The following SIAH1 variants were observed in gnomAD, a reference collection of about 807,000 sequenced individuals.
SIAH1 encodes siah E3 ubiquitin protein ligase 1.
In SIAH1, 2 loss-of-function variants were observed where a neutral mutation model predicts 20.0. The observed-to-expected ratio is 0.10, with a 90% CI of 0.04 to 0.31. The LOEUF (loss-of-function observed/expected upper bound fraction) is 0.31. Ranked by LOEUF, SIAH1 falls within the 10% of genes least tolerant of loss-of-function variation. The pLI is 1.00. For missense variants in SIAH1, 119 were observed against 355.3 expected (o/e 0.33, Z 5.35); for synonymous variants, 118 against 125.3 (o/e 0.94, Z 0.39).
intron 1 of SIAH1, among the ~76,000 whole-genome samples, chr16:48,379,449 G>A (rs1297176788): frequency 6.6e-6 from 1 of 152,144 alleles, no homozygotes; most frequent in African/African-American, 2.4e-5. Flanking sequence ...AGGGCAAAGG[G>A]GAAACACAGG....
intron 1 of SIAH1, among the ~76,000 whole-genome samples, chr16:48,368,162 T>C (rs1038307403): frequency 2.0e-5 from 3 of 152,170 alleles, no homozygotes; most frequent in Non-Finnish European, 4.4e-5. Context: ...TCATAATATA[T>C]TGTAAATGAA....
intron 1 of SIAH1, among the ~76,000 whole-genome samples, chr16:48,367,820 T>TAC (rs1372289516): frequency 6.6e-6 from 1 of 152,186 alleles, no homozygotes; most frequent in African/African-American, 2.4e-5. Context: ...TTCACAGAAG[T>TAC]ACCTTAAGAC....
rs753263197 is a variant in SIAH1 at position 48,362,440 on chromosome 16, A to G, written c.-2-10T>C. The G allele has an allele frequency of 1.2e-6, 2 of 1,613,522 alleles. No individual in the cohort carries two copies. Among genetic ancestry groups the G allele is most frequent in the Admixed American group, 3.3e-5 (2 of 59,998 alleles). On this transcript the variant is annotated splice_polypyrimidine_tract_variant and intron_variant, in intron 1 of 1. Transcript: ENST00000394725. This position sits in a 1 kb window ranked among gnomAD's most constrained non-coding sequence, Gnocchi z 4.2. The stretch of plus-strand genomic sequence containing the variant: ...GTCTGACGGCTCATTTCTGAAATAA[A>G]TACATAAGGAGGCAGGAGAAAAATA...
At chr16:48,365,624 C>G in intron 1 of SIAH1, 1 of 1,440,724 alleles carries the variant, frequency 6.9e-7, no homozygotes, top group Admixed American at 2.7e-5. Flanking sequence ...GCACCAGTTA[C>G]AGAGGTGGAG....
chr16:48,366,772 A>C (rs996866689), intron 1 of SIAH1, among the ~76,000 whole-genome samples: 8 of 152,254 alleles, frequency 5.3e-5, no homozygotes, highest in African/African-American at 1.9e-4. Flanking sequence ...TCAGCAGGAA[A>C]TTTTAACTCT....
At chr16:48,371,385 T>C (rs1960983431) in intron 1 of SIAH1, among the ~76,000 whole-genome samples, 1 of 152,244 alleles carries the variant, frequency 6.6e-6, no homozygotes, top group African/African-American at 2.4e-5. Flanking sequence ...TGGTATGGAA[T>C]ATTTAATTTG....
At chr16:48,385,510 T>TCGCGGGCG (rs1448651828), upstream of SIAH1, 3 of 151,318 alleles carry the variant, frequency 2.0e-5, no homozygotes, top group African/African-American at 4.8e-5. Flanking sequence ...GGCGGGGCTT[T>TCGCGGGCG]CGCGGGCGCG....
At chr16:48,369,636 G>A (rs542264155) in intron 1 of SIAH1, among the ~76,000 whole-genome samples, 2 of 152,198 alleles carry the variant, frequency 1.3e-5, no homozygotes, top group Non-Finnish European at 2.9e-5. Context: ...CAGCTATTTG[G>A]GAGGCTGAGG....
At chr16:48,364,602 T>A (rs2151046452) in intron 1 of SIAH1, among the ~76,000 whole-genome samples, 1 of 152,298 alleles carries the variant, frequency 6.6e-6, no homozygotes, top group East Asian at 1.9e-4. Context: ...ATAAGGGAGC[T>A]CTCCTGTAAT....
At chr16:48,367,608 C>T (rs2151048361) in intron 1 of SIAH1, among the ~76,000 whole-genome samples, 1 of 152,288 alleles carries the variant, frequency 6.6e-6, no homozygotes, top group Non-Finnish European at 1.5e-5. Flanking sequence ...CAGCTGAGAC[C>T]TGATTTAATT....
intron 1 of SIAH1, among the ~76,000 whole-genome samples, chr16:48,383,726 G>T (rs571736722): frequency 6.6e-6 from 1 of 152,218 alleles, no homozygotes; most frequent in African/African-American, 2.4e-5. Context: ...ATCTCAGAAA[G>T]TCTGTTAATT....
intron 1 of SIAH1, among the ~76,000 whole-genome samples, chr16:48,366,564 C>T (rs556347145): frequency 3.3e-5 from 5 of 152,204 alleles, no homozygotes; most frequent in Non-Finnish European, 7.3e-5. Context: ...CCTCATTAAA[C>T]GCAGAGTAGC....
chr16:48,366,442 G>GA (rs544428026), intron 1 of SIAH1, among the ~76,000 whole-genome samples: 32 of 152,246 alleles, frequency 2.1e-4, no homozygotes, highest in South Asian at 4.2e-4. Context: ...TACCCACTGT[G>GA]AAAAGACTTT....
At position 48,380,928 on chromosome 16, in the gene SIAH1, C is replaced by CAAAAAA. The variant is rs59376248; in HGVS notation, c.-3+4270_-3+4275dup. ...TGGGCGACAGAGTGAGACTCCGTCT[C>CAAAAAA]AAAAAAAAAAAAAAAAAGAACGGCT... On this transcript the variant is annotated intron_variant, in intron 1 of 1. Coordinates refer to ENST00000394725, the MANE Select transcript of SIAH1 (RefSeq NM_003031.4). Among the ~76,000 whole-genome samples the CAAAAAA allele has an allele frequency of 3.8e-4, 17 of 44,950 alleles. 5 individuals carry two copies. The highest frequency in any genetic ancestry group is 5.5e-4 in the Non-Finnish European group (15 of 27,052). The allele number at this position is 44,950 out of a possible 152,430, so 29.5% of individuals were successfully genotyped here. A position where few individuals can be genotyped will look rare whatever the true frequency, so the allele number is the denominator to read the frequency against.
Position 48,362,042 on chromosome 16 carries a change from C to T in SIAH1, c.387G>A (p.Pro129=), listed in dbSNP as rs377037248. 36 of 1,614,052 alleles carry T rather than the reference C, an allele frequency of 2.2e-5. No homozygotes were observed. Among genetic ancestry groups the T allele is most frequent in the Non-Finnish European group, 2.8e-5 (33 of 1,180,034 alleles). The change falls in exon 2 of 2, where the codon CCG becomes CCA. Residue 129 remains proline (P), a synonymous_variant. Coordinates refer to ENST00000394725, the MANE Select transcript of SIAH1 (RefSeq NM_003031.4). The surrounding 1 kb of genome is among the most constrained non-coding windows in gnomAD (Gnocchi z 4.2). The part of the protein sequence containing the change: ...ELCEFRPYSC[P]CPGASCKWQG... ...GCCATTTACAGGAAGCACCAGGGCACGGACAGGAATAAGGCCTAAACTCAC... is the reference window on the plus strand; with the variant it reads ...GCCATTTACAGGAAGCACCAGGGCATGGACAGGAATAAGGCCTAAACTCAC...
chr16:48,362,920 CTTCACCAGCCATGGATTGAAAA>C lies in SIAH1; in HGVS notation c.-2-512_-2-491del, dbSNP rs2151044870. On this transcript the variant is annotated intron_variant, in intron 1 of 1. Transcript: ENST00000394725. This position sits in a 1 kb window ranked among gnomAD's most constrained non-coding sequence, Gnocchi z 4.2. ...TATCCACACGGTCTGCATCCGAGGA[CTTCACCAGCCATGGATTGAAAA>C]TATTCAGAAAAATTTATAAAGAATA... 2 of 166,618 alleles carry C rather than the reference CTTCACCAGCCATGGATTGAAAA, an allele frequency of 1.2e-5. No individual in the cohort carries two copies. The highest frequency in any genetic ancestry group is 4.1e-4 in the South Asian group (2 of 4,862). The allele number at this position is 166,618 out of a possible 1,614,324, so 10.3% of individuals were successfully genotyped here.
chr16:48,361,428 G>T lies in SIAH1; in HGVS notation c.*152C>A. On this transcript the variant is annotated 3_prime_UTR_variant, in exon 2 of 2. Transcript: ENST00000394725. ...TATATTAGTGTTACTACATGCAACT[G>T]TTTCCTGTATTTAACAGCCTTTCTT... The T allele has an allele frequency of 1.4e-6, 1 of 691,652 alleles. No individual in the cohort carries two copies. The highest frequency in any genetic ancestry group is 2.4e-6 in the Non-Finnish European group (1 of 411,910). 42.8% of individuals were successfully genotyped at this position (691,652 alleles called of 1,614,324 possible).
At chr16:48,382,242 C>A (rs1238676447) in intron 1 of SIAH1, among the ~76,000 whole-genome samples, 1 of 151,984 alleles carries the variant, frequency 6.6e-6, no homozygotes, top group Non-Finnish European at 1.5e-5. Context: ...AAAAAATTAG[C>A]CCAGTGTGAT....
At chr16:48,365,454 A>G (rs781383389) in intron 1 of SIAH1, 1 of 1,613,822 alleles carries the variant, frequency 6.2e-7, no homozygotes, top group Admixed American at 1.7e-5. Context: ...AGTACAGAGA[A>G]GGTGGAGTAG....
Sources: allele counts gnomAD v4.1 joint callset (sites outside exome capture counted in the v4.1 genomes callset), GRCh38; gene constraint gnomAD v4.1.1; non-coding constraint Gnocchi (gnomAD v3.1); transcripts MANE v1.5; gene names NCBI Gene and HGNC (gene_info 2026-07-23, HGNC 2026-07-21).